MAEA: variants seen among roughly 807,000 people sequenced by gnomAD.
MAEA encodes the protein E3 ubiquitin-protein transferase MAEA.
Under a neutral mutation model 46.2 loss-of-function variants are expected in MAEA, and 22 were observed. That is an observed-to-expected ratio of 0.48 (90% confidence interval 0.34 to 0.68). The LOEUF (loss-of-function observed/expected upper bound fraction) is 0.68. Among genes scored for constraint, MAEA ranks in the 30% least tolerant of loss-of-function variants. MAEA has a pLI of 0.01. For missense variants in MAEA, 393 were observed against 558.1 expected, an observed-to-expected ratio of 0.70 and a Z score of 2.98; for synonymous variants, 246 against 222.6, an observed-to-expected ratio of 1.11 and a Z score of -0.94.
At chr4:1,317,923 T>C (rs1335465310) in intron 3 of MAEA, among the ~76,000 whole-genome samples, 1 of 152,198 alleles carries the variant, frequency 6.6e-6, no homozygotes, top group East Asian at 1.9e-4. Flanking sequence ...GCCTCTGCCG[T>C]GCTGCCCACT....
chr4:1,297,382 C>T (rs11932230), intron 1 of MAEA, among the ~76,000 whole-genome samples: 8,109 of 151,914 alleles, frequency 0.053, 709 homozygotes, highest in African/African-American at 0.18. Context: ...TCCTCCCAAG[C>T]GTTTACACTT....
chr4:1,303,232 C>CAAAAAAAAAAAAAAAAA lies in MAEA; in HGVS notation c.70-8740_70-8724dup, dbSNP rs71168823. ...TGAAACCCCGTCTCTACTAAAAATA[C>CAAAAAAAAAAAAAAAAA]AAAAAAAAAAAAAAAAAAAAAAAGC... On this transcript the variant is annotated intron_variant, in intron 1 of 8. Transcript: ENST00000303400. 3.0e-5 allele frequency among the ~76,000 whole-genome samples: 2 copies of CAAAAAAAAAAAAAAAAA among 65,678 alleles called. 1 individual carries two copies. The allele number at this position is 65,678 out of a possible 152,430, so 43.1% of individuals were successfully genotyped here.
intron 5 of MAEA, chr4:1,329,686 C>T (rs867922184): frequency 2.0e-6 from 2 of 985,708 alleles, no homozygotes; most frequent in Non-Finnish European, 2.4e-6. Context: ...CCACAAGGCA[C>T]ACGGGAGCTG....
chr4:1,305,203 A>G (rs1577150884), intron 1 of MAEA, among the ~76,000 whole-genome samples: 2 of 152,046 alleles, frequency 1.3e-5, no homozygotes, highest in African/African-American at 4.8e-5. Context: ...GTTCACAGCC[A>G]TGCTCCACTT....
Position 1,328,696 on chromosome 4 carries a change from G to A in MAEA, c.656+993G>A. Reference sequence around the variant, plus strand: ...TGGAGAAGTGGGCGTCTCACGATGAGGTGCTGAGGGTGGTCCCCAAGACGC... The same window carrying A: ...TGGAGAAGTGGGCGTCTCACGATGAAGTGCTGAGGGTGGTCCCCAAGACGC... On this transcript the variant is annotated intron_variant, in intron 5 of 8. Transcript: ENST00000303400. 5 of 1,276,612 alleles carry A rather than the reference G, an allele frequency of 3.9e-6. No homozygotes were observed. In the South Asian group the frequency reaches 6.3e-5, roughly 16 times the overall value. 79.1% of individuals were successfully genotyped at this position (1,276,612 alleles called of 1,614,324 possible).
intron 3 of MAEA, among the ~76,000 whole-genome samples, chr4:1,320,492 C>T (rs931307112): frequency 6.6e-6 from 1 of 150,514 alleles, no homozygotes; most frequent in Non-Finnish European, 1.5e-5. Flanking sequence ...AAGAAATCAT[C>T]AAAGCAAACA....
chr4:1,338,318 CA>C, intron 7 of MAEA, 103 bp from the exon 8 acceptor site: 1 of 874,744 alleles, frequency 1.1e-6, no homozygotes. Flanking sequence ...ATGGCGCCCA[CA>C]TAGCCAGAAG....
At chr4:1,295,146 T>C (rs959043969) in intron 1 of MAEA, among the ~76,000 whole-genome samples, 2 of 152,046 alleles carry the variant, frequency 1.3e-5, no homozygotes, top group South Asian at 2.1e-4. Flanking sequence ...GCCTGTAGCA[T>C]GTGACTGCCC....
At chr4:1,330,316 C>T (rs919064865) in intron 5 of MAEA, 1 of 164,290 alleles carries the variant, frequency 6.1e-6, no homozygotes, top group African/African-American at 2.6e-5. Context: ...GTGTTTCTCT[C>T]TCTCTCTCTT....
At position 1,315,616 on chromosome 4, in the gene MAEA, A is replaced by T; in HGVS notation, c.456+16A>T. On this transcript the variant is annotated intron_variant, in intron 3 of 8. Coordinates refer to ENST00000303400, the MANE Select transcript of MAEA (RefSeq NM_001017405.3). Reference sequence around the variant, plus strand: ...CGGCATCGAGGTGGGTGCCCGCCAGACGCAGGCACAGCGCCCCAGCTGGCC... The same window carrying T: ...CGGCATCGAGGTGGGTGCCCGCCAGTCGCAGGCACAGCGCCCCAGCTGGCC... 6.2e-7 allele frequency: 1 copy of T among 1,611,162 alleles called. No homozygotes were observed. The highest frequency in any genetic ancestry group is 1.1e-5 in the South Asian group (1 of 90,970).
At chr4:1,307,273 TC>T (rs1287585199) in intron 1 of MAEA, among the ~76,000 whole-genome samples, 4 of 151,498 alleles carry the variant, frequency 2.6e-5, no homozygotes, top group African/African-American at 7.4e-5. Context: ...CATGACCCTC[TC>T]ATCTTGCAAA....
chr4:1,329,714 G>A, intron 5 of MAEA: 1 of 985,592 alleles, frequency 1.0e-6, no homozygotes, highest in Non-Finnish European at 1.2e-6. Context: ...GTGGCAGGTG[G>A]GGCATCGGCA....
intron 1 of MAEA, among the ~76,000 whole-genome samples, chr4:1,293,687 C>A (rs1249261383): frequency 2.0e-5 from 3 of 152,190 alleles, no homozygotes; most frequent in Non-Finnish European, 4.4e-5. Flanking sequence ...CCTCTCACAC[C>A]CAAGGTGGTG....
chr4:1,334,174 C>G lies in MAEA; in HGVS notation c.765+1309C>G, dbSNP rs113717745. 5.3e-3 allele frequency among the ~76,000 whole-genome samples: 300 copies of G among 56,868 alleles called. 47 individuals carry two copies. The highest frequency in any genetic ancestry group is 8.0e-3 in the African/African-American group (150 of 18,660). The allele number at this position is 56,868 out of a possible 152,430, so 37.3% of individuals were successfully genotyped here. On this transcript the variant is annotated intron_variant, in intron 6 of 8. Transcript: ENST00000303400. ...CCTGCATCCACCCCCATGCCCACCC[C>G]TGTGCTCATCACACTGGGAACAGTT...
chr4:1,293,902 T>C (rs560585571), intron 1 of MAEA, among the ~76,000 whole-genome samples: 1 of 152,372 alleles, frequency 6.6e-6, no homozygotes, highest in African/African-American at 2.4e-5. Context: ...GCTGAAGTTG[T>C]AACTGCTCCT....
rs949515378 is a variant in MAEA at position 1,311,055 on chromosome 4, C to T, written c.70-924C>T. ...CAGGGCCGGGGGAGCAGGCGGTACC[C>T]GAGAGTCTGTCCTCCCATGGTTGGG... On this transcript the variant is annotated intron_variant, in intron 1 of 8. Transcript: ENST00000303400. The surrounding 1 kb of genome is among the most constrained non-coding windows in gnomAD (Gnocchi z 4.4). Among the ~76,000 whole-genome samples the T allele has an allele frequency of 4.1e-5, 3 of 73,536 alleles. No individual in the cohort carries two copies. The highest frequency in any genetic ancestry group is 6.0e-5 in the African/African-American group (1 of 16,542). The allele number at this position is 73,536 out of a possible 152,430, so 48.2% of individuals were successfully genotyped here. A position where few individuals can be genotyped will look rare whatever the true frequency, so the allele number is the denominator to read the frequency against.
chr4:1,304,636 G>T (rs1735662392), intron 1 of MAEA, among the ~76,000 whole-genome samples: 1 of 151,660 alleles, frequency 6.6e-6, no homozygotes, highest in African/African-American at 2.4e-5. Context: ...ACAGACGGGG[G>T]CATCGTGTTG....
chr4:1,322,062 G>C (rs1328380456), intron 3 of MAEA, among the ~76,000 whole-genome samples: 1 of 152,206 alleles, frequency 6.6e-6, no homozygotes, highest in Non-Finnish European at 1.5e-5. Context: ...GGGCCGCCTG[G>C]CATGTGGCCT....
intron 4 of MAEA, among the ~76,000 whole-genome samples, chr4:1,325,451 CACTT>C (rs1176522982): frequency 1.2e-4 from 19 of 152,352 alleles, no homozygotes; most frequent in African/African-American, 4.6e-4. Context: ...GACATAGACA[CACTT>C]ACATATTAGT....
Sources: allele counts gnomAD v4.1 joint callset (sites outside exome capture counted in the v4.1 genomes callset), GRCh38; gene constraint gnomAD v4.1.1; non-coding constraint Gnocchi (gnomAD v3.1); transcripts MANE v1.5; gene names NCBI Gene and HGNC (gene_info 2026-07-23, HGNC 2026-07-21).